SGSM1: variants seen among roughly 807,000 people sequenced by gnomAD.
SGSM1 encodes the protein small G protein signaling modulator 1, also known as RUN and TBC1 domain containing 2.
Under a neutral mutation model 133.8 loss-of-function variants are expected in SGSM1, and 73 were observed. The observed-to-expected ratio is 0.55, with a 90% CI of 0.45 to 0.66. The LOEUF is 0.66. SGSM1 is among the 30% of genes least tolerant of loss of function. The pLI is 0.00. For synonymous variants in SGSM1, 563 were observed against 573.0 expected (o/e 0.98, Z 0.25); for missense variants, 1,213 against 1,448.1 (o/e 0.84, Z 2.64).
At chr22:24,918,096 T>TA in intron 23 of SGSM1, among the ~76,000 whole-genome samples, 1 of 152,246 alleles carries the variant, frequency 6.6e-6, no homozygotes, top group East Asian at 1.9e-4. Flanking sequence ...CCAAGAACTC[T>TA]AAAGCCCATG....
intron 5 of SGSM1, among the ~76,000 whole-genome samples, chr22:24,854,250 A>T (rs1297280847): frequency 2.0e-5 from 3 of 152,194 alleles, no homozygotes; most frequent in African/African-American, 7.2e-5. Context: ...AAGGCAGGAA[A>T]GCCTGTTACA....
chr22:24,830,097 C>T lies in SGSM1; in HGVS notation c.64-14800C>T, dbSNP rs566948727. On this transcript the variant is annotated intron_variant, in intron 2 of 24. Coordinates refer to ENST00000400358, the MANE Select transcript of SGSM1 (RefSeq NM_001098497.3). ...TTTCTTCCTGCATGGAGACAATGCC[C>T]TCTTCTGCAGTGTTCAAGGGTAATA... 1.6e-4 allele frequency among the ~76,000 whole-genome samples: 24 copies of T among 152,246 alleles called. No homozygotes were observed. The South Asian group carries it at 4.6e-3, about 29-fold the overall frequency.
chr22:24,824,604 C>T (rs1928693047), intron 2 of SGSM1, among the ~76,000 whole-genome samples: 1 of 47,048 alleles, frequency 2.1e-5, no homozygotes, highest in Non-Finnish European at 4.8e-5. Context: ...CTCCCTGATA[C>T]AATGTCCTTA....
In SGSM1 at chr22:24,868,362, G is replaced by A; in HGVS notation, c.995-14G>A. The A allele has an allele frequency of 6.2e-7, 1 of 1,604,008 alleles. No homozygotes were observed. The highest frequency in any genetic ancestry group is 1.1e-5 in the South Asian group (1 of 90,388). Reference sequence around the variant, plus strand: ...GACTTCCACTGGGTCTTCTCTGGCTGGTGGTGGCGGCAGTTGACAGCGGCG... The same window carrying A: ...GACTTCCACTGGGTCTTCTCTGGCTAGTGGTGGCGGCAGTTGACAGCGGCG... On this transcript the variant is annotated splice_polypyrimidine_tract_variant and intron_variant, in intron 10 of 24. Transcript: ENST00000400358.
intron 21 of SGSM1, among the ~76,000 whole-genome samples, chr22:24,907,837 G>A (rs919554790): frequency 3.3e-5 from 5 of 149,316 alleles, no homozygotes; most frequent in Admixed American, 6.8e-5. Context: ...GCATGAACCC[G>A]GGAGGCGGAG....
At chr22:24,888,856 T>C (rs1262626229) in intron 16 of SGSM1, among the ~76,000 whole-genome samples, 1 of 151,878 alleles carries the variant, frequency 6.6e-6, no homozygotes, top group Non-Finnish European at 1.5e-5. Flanking sequence ...GTTCCGGTGA[T>C]CTATGAATCT....
intron 2 of SGSM1, among the ~76,000 whole-genome samples, chr22:24,829,535 C>G (rs1928989877): frequency 6.6e-6 from 1 of 152,158 alleles, no homozygotes; most frequent in African/African-American, 2.4e-5. Context: ...GTTTGTTTTT[C>G]TTTAAAAGCA....
chr22:24,813,759 A>C (rs912685183), intron 2 of SGSM1: 4 of 152,266 alleles, frequency 2.6e-5, no homozygotes, highest in Admixed American at 2.6e-4. Context: ...CGATGTGGTG[A>C]GGATGGCAGG....
chr22:24,908,942 G>A (rs902245329), intron 21 of SGSM1, among the ~76,000 whole-genome samples: 1 of 151,796 alleles, frequency 6.6e-6, no homozygotes, highest in Admixed American at 6.6e-5. Context: ...CTACATCGGG[G>A]CCCCAAGCCC....
intron 5 of SGSM1, among the ~76,000 whole-genome samples, chr22:24,851,435 A>AGGGG (rs150018574): frequency 1.4e-5 from 1 of 70,446 alleles, no homozygotes; most frequent in African/African-American, 5.5e-5. Context: ...GCAGGAAGGG[A>AGGGG]GGGGGGGGTG....
At chr22:24,913,524 A>T (rs1314768804) in intron 22 of SGSM1, among the ~76,000 whole-genome samples, 1 of 152,178 alleles carries the variant, frequency 6.6e-6, no homozygotes, top group African/African-American at 2.4e-5. Flanking sequence ...CAACCCTTTG[A>T]TTAGAAGGAA....
intron 2 of SGSM1, among the ~76,000 whole-genome samples, chr22:24,826,656 A>T (rs1047090255): frequency 6.6e-6 from 1 of 152,204 alleles, no homozygotes; most frequent in Non-Finnish European, 1.5e-5. Flanking sequence ...CCTAAGGAAG[A>T]GTAAGCAGCA....
rs535044199 is a variant in SGSM1, at chr22:24,818,918, G to A, written c.63+12434G>A. 2.9e-3 allele frequency among the ~76,000 whole-genome samples: 446 copies of A among 151,926 alleles called. 4 individuals are homozygous for A. The highest frequency in any genetic ancestry group is 1.0e-2 in the African/African-American group (414 of 41,444). On this transcript the variant is annotated intron_variant, in intron 2 of 24. Coordinates refer to ENST00000400358, the MANE Select transcript of SGSM1 (RefSeq NM_001098497.3). ...TCCCAGCACTTTGGGAGACCGAGGC[G>A]GGCGGATCATGAGGTCAGGAGATCG...
chr22:24,828,582 A>G (rs954121080), intron 2 of SGSM1, among the ~76,000 whole-genome samples: 1 of 152,192 alleles, frequency 6.6e-6, no homozygotes, highest in African/African-American at 2.4e-5. Context: ...ATCAGTCAGA[A>G]TGGCCAGGGT....
At chr22:24,842,887 C>A (rs1929888259) in intron 2 of SGSM1, among the ~76,000 whole-genome samples, 2 of 152,172 alleles carry the variant, frequency 1.3e-5, no homozygotes, top group Admixed American at 1.3e-4. Flanking sequence ...GTTCAGCCTT[C>A]CCAAGTGCCT....
At chr22:24,825,968 A>T (rs1455083785) in intron 2 of SGSM1, among the ~76,000 whole-genome samples, 1 of 152,162 alleles carries the variant, frequency 6.6e-6, no homozygotes, top group Admixed American at 6.5e-5. Flanking sequence ...AGCAGGGGAC[A>T]GCTGGCCCGG....
At chr22:24,891,552 T>C (rs1932814333) in intron 16 of SGSM1, among the ~76,000 whole-genome samples, 1 of 152,132 alleles carries the variant, frequency 6.6e-6, no homozygotes, top group Non-Finnish European at 1.5e-5. Context: ...AGTACTAGTG[T>C]GAGGCCCCTC....
chr22:24,899,021 CAAAAAAAAAA>C (rs11284624), intron 19 of SGSM1, among the ~76,000 whole-genome samples: 2 of 62,432 alleles, frequency 3.2e-5, no homozygotes, highest in Non-Finnish European at 6.5e-5. Flanking sequence ...AGCAAGATCT[CAAAAAAAAAA>C]AAAAAAAAAA....
intron 2 of SGSM1, among the ~76,000 whole-genome samples, chr22:24,808,735 T>G (rs1303908544): frequency 6.6e-6 from 1 of 152,140 alleles, no homozygotes; most frequent in Non-Finnish European, 1.5e-5. Context: ...GGAGTCAGTT[T>G]CTCCATCTGC....
Sources: gnomAD v4.1 joint callset for allele counts (sites outside exome capture counted in the v4.1 genomes callset) on GRCh38, gnomAD v4.1.1 for gene constraint, MANE v1.5 for transcripts, NCBI Gene and HGNC (gene_info 2026-07-23, HGNC 2026-07-21) for gene names.